ITGBL1: variants seen among roughly 807,000 people sequenced by gnomAD.
ITGBL1 encodes the protein integrin beta-like protein 1.
ITGBL1 carries 51 observed loss-of-function variants against 68.5 expected under a neutral mutation model. The observed-to-expected ratio is 0.74, with a 90% CI of 0.59 to 0.94. The LOEUF is 0.94. Among genes scored for constraint, ITGBL1 ranks in the 40% least tolerant of loss-of-function variants. The pLI, the probability that ITGBL1 is intolerant of heterozygous loss-of-function variation, is 0.00. For missense variants in ITGBL1, 649 were observed against 647.4 expected (o/e 1.00, Z -0.03); for synonymous variants, 209 against 227.3 (o/e 0.92, Z 0.72).
intron 3 of ITGBL1, among the ~76,000 whole-genome samples, chr13:101,574,956 GATA>G (rs2050332766): frequency 6.6e-6 from 1 of 152,106 alleles, no homozygotes; most frequent in African/African-American, 2.4e-5. Flanking sequence ...TTATGCATTT[GATA>G]ATAAATTATT....
chr13:101,455,909 GAAGT>G (rs1174974735), intron 2 of ITGBL1, among the ~76,000 whole-genome samples: 1 of 152,124 alleles, frequency 6.6e-6, no homozygotes, highest in Non-Finnish European at 1.5e-5. Context: ...TTTTATTAGA[GAAGT>G]AAGAGGTAAG....
chr13:101,509,599 G>T (rs1376909801), intron 2 of ITGBL1, among the ~76,000 whole-genome samples: 1 of 151,952 alleles, frequency 6.6e-6, no homozygotes, highest in Non-Finnish European at 1.5e-5. Flanking sequence ...ATTATTATTG[G>T]ATGATAAGGT....
intron 2 of ITGBL1, among the ~76,000 whole-genome samples, chr13:101,565,369 T>C (rs1387322184): frequency 6.6e-6 from 1 of 152,152 alleles, no homozygotes; most frequent in Admixed American, 6.6e-5. Context: ...CACAGGCTAT[T>C]TGATAATTCT....
At chr13:101,474,145 T>G (rs1205765305) in intron 2 of ITGBL1, among the ~76,000 whole-genome samples, 1 of 152,064 alleles carries the variant, frequency 6.6e-6, no homozygotes, top group African/African-American at 2.4e-5. Flanking sequence ...ATCCCTGGGG[T>G]CCCCAGTTCT....
At chr13:101,491,563 T>G (rs2048777360) in intron 2 of ITGBL1, among the ~76,000 whole-genome samples, 2 of 152,344 alleles carry the variant, frequency 1.3e-5, no homozygotes, top group Middle Eastern at 6.8e-3. Flanking sequence ...CTGATGATTT[T>G]TAAGTGGATT....
intron 7 of ITGBL1, among the ~76,000 whole-genome samples, chr13:101,640,033 C>T (rs12866948): frequency 0.048 from 7,305 of 152,166 alleles, 211 homozygotes; most frequent in East Asian, 0.18. Flanking sequence ...AAATTCTTGA[C>T]AACTTATAAT....
chr13:101,514,473 T>A (rs2139119007), intron 2 of ITGBL1, among the ~76,000 whole-genome samples: 1 of 152,188 alleles, frequency 6.6e-6, no homozygotes, highest in Middle Eastern at 3.4e-3. Context: ...TGGTTAGGAA[T>A]CAGTTTTAGG....
chr13:101,711,567 G>C (rs2034468762), intron 9 of ITGBL1: 1 of 152,240 alleles, frequency 6.6e-6, no homozygotes, highest in Non-Finnish European at 1.5e-5. Context: ...CAGATAGGCA[G>C]ATCACTAAAA....
intron 2 of ITGBL1, among the ~76,000 whole-genome samples, chr13:101,528,415 C>G (rs904128868): frequency 1.3e-5 from 2 of 151,596 alleles, no homozygotes; most frequent in African/African-American, 2.4e-5. Flanking sequence ...AGTGATCTTT[C>G]CAAGAAGTCA....
chr13:101,565,971 C>G (rs1195197036), intron 2 of ITGBL1, among the ~76,000 whole-genome samples: 1 of 152,036 alleles, frequency 6.6e-6, no homozygotes, highest in African/African-American at 2.4e-5. Context: ...AAAAGATGTT[C>G]CTTTGACCCA....
At chr13:101,691,343 A>T (rs1210060090) in intron 7 of ITGBL1, among the ~76,000 whole-genome samples, 1 of 152,216 alleles carries the variant, frequency 6.6e-6, no homozygotes, top group Non-Finnish European at 1.5e-5. Context: ...TGTCAGCTAG[A>T]AAATATTATG....
chr13:101,534,889 T>C (rs2049545489), intron 2 of ITGBL1, among the ~76,000 whole-genome samples: 1 of 152,070 alleles, frequency 6.6e-6, no homozygotes, highest in South Asian at 2.1e-4. Flanking sequence ...ATTGTGAAAT[T>C]AACCCAGGGT....
intron 8 of ITGBL1, among the ~76,000 whole-genome samples, 180 bp from the exon 9 acceptor site, chr13:101,706,576 T>G (rs1309101260): frequency 1.3e-5 from 2 of 152,256 alleles, no homozygotes; most frequent in African/African-American, 4.8e-5. Flanking sequence ...TTTATTATGT[T>G]AAGCTAGAAC....
chr13:101,581,213 G>C (rs994483361), intron 5 of ITGBL1, among the ~76,000 whole-genome samples: 1 of 152,068 alleles, frequency 6.6e-6, no homozygotes, highest in Non-Finnish European at 1.5e-5. Context: ...CTGTTTTATT[G>C]AGTTTCATAG....
rs183266252 is a variant in ITGBL1 at position 101,650,285 on chromosome 13, T to C, written c.1016-42300T>C. ...TCTTTTAGGAAGAATATTAAGTTAG[T>C]TTGTGTTTAAATGAACTAATTGTTT... On this transcript the variant is annotated intron_variant, in intron 7 of 10. Transcript: ENST00000376180. 8.5e-5 allele frequency among the ~76,000 whole-genome samples: 13 copies of C among 152,334 alleles called. No individual in the cohort carries two copies. In the East Asian group the frequency reaches 2.5e-3, roughly 29 times the overall value.
chr13:101,527,221 C>T (rs561634762), intron 2 of ITGBL1, among the ~76,000 whole-genome samples: 3 of 152,242 alleles, frequency 2.0e-5, no homozygotes, highest in Non-Finnish European at 4.4e-5. Flanking sequence ...ATCATCATCT[C>T]CAAAATATTT....
chr13:101,543,278 G>T (rs903003100), intron 2 of ITGBL1, among the ~76,000 whole-genome samples: 48 of 152,228 alleles, frequency 3.2e-4, no homozygotes, highest in African/African-American at 1.1e-3. Context: ...CTCAGCATTT[G>T]CTTGTCTGTA....
chr13:101,692,636 T>C lies in ITGBL1; in HGVS notation c.1067T>C (p.Val356Ala), dbSNP rs1215259226. ...CTCYPPGDRRVYGKTCECDDR... is the reference protein window; with the variant it reads ...CTCYPPGDRRAYGKTCECDDR... ...TGCTATCCTCCAGGAGATCGCCGGG[T>C]GTATGGCAAGACTTGTGAGTGTGAT... Residue 356 changes from valine to alanine, a missense_variant, in exon 8 of 11, where the codon GTG (valine) becomes GCG (alanine). Val to Ala is a moderately conservative substitution (Grantham distance 64, BLOSUM62 0). Coordinates refer to ENST00000376180, the MANE Select transcript of ITGBL1 (RefSeq NM_004791.3). 1 of 1,613,776 alleles carries C rather than the reference T, an allele frequency of 6.2e-7. No individual in the cohort carries two copies. Among genetic ancestry groups the C allele is most frequent in the Non-Finnish European group, 8.5e-7 (1 of 1,179,824 alleles).
intron 2 of ITGBL1, among the ~76,000 whole-genome samples, chr13:101,525,524 T>TTA (rs1377300778): frequency 1.7e-5 from 1 of 58,490 alleles, no homozygotes; most frequent in Non-Finnish European, 3.1e-5. Flanking sequence ...CACAGGCACC[T>TTA]TGTTTTTTTT....
Sources: allele counts gnomAD v4.1 joint callset (sites outside exome capture counted in the v4.1 genomes callset), GRCh38; gene constraint gnomAD v4.1.1; transcripts MANE v1.5; gene names NCBI Gene and HGNC (gene_info 2026-07-23, HGNC 2026-07-21).